Variants in KCNC1 observed in about 807,000 individuals in gnomAD.
KCNC1 encodes voltage-gated potassium channel KCNC1.
Under a neutral mutation model 43.4 loss-of-function variants are expected in KCNC1, and 8 were observed. The observed-to-expected ratio is 0.18, with a 90% confidence interval of 0.11 to 0.33. KCNC1 has a LOEUF of 0.33. Ranked by LOEUF, KCNC1 falls within the 10% of genes least tolerant of loss-of-function variation. The pLI, the probability that KCNC1 is intolerant of heterozygous loss-of-function variation, is 1.00. For synonymous variants in KCNC1, 361 were observed against 360.5 expected, an observed-to-expected ratio of 1.00 and a Z score of -0.01; for missense variants, 420 against 836.0, an observed-to-expected ratio of 0.50 and a Z score of 6.14.
chr11:17,759,723 G>C (rs772211067), intron 1 of KCNC1, among the ~76,000 whole-genome samples: 1 of 152,112 alleles, frequency 6.6e-6, no homozygotes, highest in African/African-American at 2.4e-5. Flanking sequence ...TATCAATTAA[G>C]TTTGCCATCT....
Position 17,777,226 on chromosome 11 carries a change from ACAGAGG to A in KCNC1, c.1505-2218_1505-2213del, listed in dbSNP as rs957289743. On this transcript the variant is annotated intron_variant, in intron 2 of 3. Coordinates refer to ENST00000265969, the MANE Select transcript of KCNC1 (RefSeq NM_001112741.2). The surrounding 1 kb of genome is among the most constrained non-coding windows in gnomAD (Gnocchi z 4.3). The stretch of plus-strand genomic sequence containing the variant: ...AAGGGTCTCAGGCGGCACCATCTCC[ACAGAGG>A]CAGAGGCAGAGAGAAGGCACCCCCC... 5.8e-5 allele frequency: 57 copies of A among 985,790 alleles called. No individual in the cohort carries two copies. The African/African-American group carries it at 9.8e-4, about 17-fold the overall frequency. The allele number at this position is 985,790 out of a possible 1,614,324, so 61.1% of individuals were successfully genotyped here.
At chr11:17,774,377 C>A (rs570311515) in intron 2 of KCNC1, 1 of 985,548 alleles carries the variant, frequency 1.0e-6, no homozygotes, top group Admixed American at 6.1e-5. Flanking sequence ...CTGCATCCTC[C>A]CCGACACTGG....
rs899899700 is a variant in KCNC1 at position 17,772,485 on chromosome 11, C to T, written c.1391C>T (p.Pro464Leu). 7.4e-6 allele frequency: 12 copies of T among 1,614,096 alleles called. No homozygotes were observed. Among genetic ancestry groups the T allele is most frequent in the South Asian group, 1.1e-5 (1 of 91,088 alleles). Residue 464 changes from proline (P) to leucine (L), a missense_variant, in exon 2 of 4, where the codon CCG becomes CTG. Pro to Leu is a moderately conservative substitution (Grantham distance 98, BLOSUM62 -3). Transcript: ENST00000265969. ...AAAAAGAAGCATATTCCGCGGCCACCGCAGCTGGGATCTCCCAATTATTGT... is the reference window on the plus strand; with the variant it reads ...AAAAAGAAGCATATTCCGCGGCCACTGCAGCTGGGATCTCCCAATTATTGT... ...KKKKKHIPRP[P>L]QLGSPNYCKS...
At chr11:17,774,112 C>T (rs1316724174) in intron 2 of KCNC1, 36 of 985,492 alleles carry the variant, frequency 3.7e-5, no homozygotes, top group Non-Finnish European at 4.0e-5. Flanking sequence ...CCGGTCCTTT[C>T]ACCCTGCCGC....
At chr11:17,755,061 G>T (rs952007308) in intron 1 of KCNC1, among the ~76,000 whole-genome samples, 1 of 152,148 alleles carries the variant, frequency 6.6e-6, no homozygotes, top group Admixed American at 6.5e-5. Context: ...GAAATAGGGT[G>T]GTCAGAAGCA....
rs1253296704 is a variant in KCNC1, at chr11:17,739,522, AGT to A, written c.570+2955_570+2956del. Among the ~76,000 whole-genome samples, 1 of 151,528 alleles carries A rather than the reference AGT, an allele frequency of 6.6e-6. No individual in the cohort carries two copies. The highest frequency in any genetic ancestry group is 1.9e-4 in the East Asian group (1 of 5,150). ...GTGAGAATGAGACTGTGTGGGAGAG[AGT>A]GTGTATAAGGAAGAGAGACTGCATG... On this transcript the variant is annotated intron_variant, in intron 1 of 3. Coordinates refer to ENST00000265969, the MANE Select transcript of KCNC1 (RefSeq NM_001112741.2). The surrounding 1 kb of genome is among the most constrained non-coding windows in gnomAD (Gnocchi z 4.2).
At chr11:17,774,873 G>A (rs992420121) in intron 2 of KCNC1, 7 of 985,190 alleles carry the variant, frequency 7.1e-6, no homozygotes, top group African/African-American at 7.0e-5. Context: ...CCTGACCCCC[G>A]AGGCTCCAGC....
At chr11:17,763,604 C>T (rs1849104123) in intron 1 of KCNC1, among the ~76,000 whole-genome samples, 2 of 135,060 alleles carry the variant, frequency 1.5e-5, no homozygotes, top group African/African-American at 5.6e-5. Context: ...CCACACACCA[C>T]CCCACATGCA....
chr11:17,776,726 A>G lies in KCNC1; in HGVS notation c.1505-2730A>G, dbSNP rs1849292670. The G allele has an allele frequency of 1.0e-6, 1 of 983,272 alleles. No individual in the cohort carries two copies. The highest frequency in any genetic ancestry group is 6.1e-5 in the Admixed American group (1 of 16,268). The allele number at this position is 983,272 out of a possible 1,614,324, so 60.9% of individuals were successfully genotyped here. On this transcript the variant is annotated intron_variant, in intron 2 of 3. Coordinates refer to ENST00000265969, the MANE Select transcript of KCNC1 (RefSeq NM_001112741.2). The surrounding 1 kb of genome is among the most constrained non-coding windows in gnomAD (Gnocchi z 4.4). ...AATGGAGGCTCCTAGCCACTATCTC[A>G]TCCAAAGGATGGGGCAGGGGCGGGG... is the stretch of plus-strand genomic sequence containing the variant.
chr11:17,740,052 TGA>T (rs1309899179), intron 1 of KCNC1, among the ~76,000 whole-genome samples: 1 of 152,116 alleles, frequency 6.6e-6, no homozygotes, highest in East Asian at 1.9e-4. Context: ...GGACGGGTGG[TGA>T]GGTCACCTTT....
intron 1 of KCNC1, among the ~76,000 whole-genome samples, chr11:17,768,698 A>G (rs1009502943): frequency 4.0e-5 from 6 of 151,390 alleles, no homozygotes; most frequent in African/African-American, 1.2e-4. Flanking sequence ...GCCAGGATTG[A>G]GAGCCAAGTG....
At chr11:17,763,908 A>ACAC (rs140313247) in intron 1 of KCNC1, among the ~76,000 whole-genome samples, 80,166 of 114,506 alleles carry the variant, frequency 0.7, 28,523 homozygotes, top group East Asian at 0.97. Flanking sequence ...CACAAACCCC[A>ACAC]CACACCACAC....
In KCNC1 at chr11:17,736,254, G is replaced by T; in HGVS notation, c.252G>T (p.Gly84=). The change falls in exon 1 of 4, where the codon GGG becomes GGT. Residue 84 remains glycine, a synonymous_variant. Transcript: ENST00000265969. The surrounding 1 kb of genome is among the most constrained non-coding windows in gnomAD (Gnocchi z 9.3). ...GKLHCPADVC[G]PLYEEELAFW... ...TGCACTGCCCAGCCGACGTGTGCGGGCCGCTCTACGAGGAGGAGCTGGCCT... is the reference window on the plus strand; with the variant it reads ...TGCACTGCCCAGCCGACGTGTGCGGTCCGCTCTACGAGGAGGAGCTGGCCT... 6.2e-7 allele frequency: 1 copy of T among 1,613,766 alleles called. No individual in the cohort carries two copies. Among genetic ancestry groups the T allele is most frequent in the East Asian group, 2.2e-5 (1 of 44,876 alleles).
intron 2 of KCNC1, chr11:17,774,515 C>T: frequency 2.0e-6 from 2 of 985,576 alleles, no homozygotes; most frequent in Middle Eastern, 5.2e-4. Flanking sequence ...TGTGCGGAGT[C>T]CCCCTGCCCC....
At position 17,777,854 on chromosome 11, in the gene KCNC1, T is replaced by A. The variant is rs1849302940; in HGVS notation, c.1505-1602T>A. 1 of 986,286 alleles carries A rather than the reference T, an allele frequency of 1.0e-6. No homozygotes were observed. Among genetic ancestry groups the A allele is most frequent in the Non-Finnish European group, 1.2e-6 (1 of 830,070 alleles). The allele number at this position is 986,286 out of a possible 1,614,324, so 61.1% of individuals were successfully genotyped here. A position where few individuals can be genotyped will look rare whatever the true frequency, so the allele number is the denominator to read the frequency against. On this transcript the variant is annotated intron_variant, in intron 2 of 3. Transcript: ENST00000265969. This position sits in a 1 kb window ranked among gnomAD's most constrained non-coding sequence, Gnocchi z 4.3. ...GACTGACTGCCTCTTTGTAGTGACATGATGTGTACACGGGCGGTAATCCCA... is the reference window on the plus strand; with the variant it reads ...GACTGACTGCCTCTTTGTAGTGACAAGATGTGTACACGGGCGGTAATCCCA...
chr11:17,764,964 C>T (rs1438762992), intron 1 of KCNC1, among the ~76,000 whole-genome samples: 3 of 152,226 alleles, frequency 2.0e-5, no homozygotes, highest in Admixed American at 6.5e-5. Flanking sequence ...TGCACACCCC[C>T]GCTGGGCAGA....
Position 17,735,867 on chromosome 11 carries a change from C to T in KCNC1, c.-136C>T. On this transcript the variant is annotated 5_prime_UTR_variant, in exon 1 of 4. Coordinates refer to ENST00000265969, the MANE Select transcript of KCNC1 (RefSeq NM_001112741.2). This position sits in a 1 kb window ranked among gnomAD's most constrained non-coding sequence, Gnocchi z 6.7. ...GGCTCGCTCGTTGGGGTGGCCAGAG[C>T]CGCAGGCCTCTGTTCCCCCCGACGG... is the stretch of plus-strand genomic sequence containing the variant. The T allele has an allele frequency of 9.7e-7, 1 of 1,030,056 alleles. No homozygotes were observed. The highest frequency in any genetic ancestry group is 1.3e-6 in the Non-Finnish European group (1 of 761,252). 63.8% of individuals were successfully genotyped at this position (1,030,056 alleles called of 1,614,324 possible).
At chr11:17,774,875 G>T in intron 2 of KCNC1, 1 of 985,422 alleles carries the variant, frequency 1.0e-6, no homozygotes, top group Non-Finnish European at 1.2e-6. Flanking sequence ...TGACCCCCGA[G>T]GCTCCAGCCT....
At chr11:17,774,446 C>T (rs1353365830) in intron 2 of KCNC1, 11 of 985,434 alleles carry the variant, frequency 1.1e-5, no homozygotes, top group Non-Finnish European at 1.3e-5. Flanking sequence ...CAAGAATCCC[C>T]AGTGCTCTCC....
Sources: allele counts gnomAD v4.1 joint callset (sites outside exome capture counted in the v4.1 genomes callset), GRCh38; gene constraint gnomAD v4.1.1; non-coding constraint Gnocchi (gnomAD v3.1); transcripts MANE v1.5; gene names NCBI Gene and HGNC (gene_info 2026-07-23, HGNC 2026-07-21).